The following SLC30A9 variants were observed in gnomAD, a reference collection of about 807,000 sequenced individuals.
SLC30A9 encodes proton-coupled zinc antiporter SLC30A9, mitochondrial.
Under a neutral mutation model 87.5 loss-of-function variants are expected in SLC30A9, and 58 were observed. The ratio of observed to expected loss-of-function variants is 0.66; its 90% CI spans 0.54 to 0.82. The LOEUF (loss-of-function observed/expected upper bound fraction) is 0.82, where lower values mean the gene tolerates loss of function less well. Ranked by LOEUF, SLC30A9 falls within the 40% of genes least tolerant of loss-of-function variation. The pLI is 0.00. For synonymous variants in SLC30A9, 234 were observed against 233.0 expected (o/e 1.00, Z -0.04); for missense variants, 557 against 679.1 (o/e 0.82, Z 2.00).
At chr4:42,014,306 T>A (rs1480060482) in intron 2 of SLC30A9, among the ~76,000 whole-genome samples, 1 of 152,168 alleles carries the variant, frequency 6.6e-6, no homozygotes, top group Non-Finnish European at 1.5e-5. Flanking sequence ...GTGCAGCTAC[T>A]ATGAAGAACA....
intron 17 of SLC30A9, among the ~76,000 whole-genome samples, chr4:42,079,358 A>G (rs1410975557): frequency 6.6e-6 from 1 of 150,960 alleles, no homozygotes; most frequent in Non-Finnish European, 1.5e-5. Context: ...CAGTGGCACG[A>G]TCTGGGCTCA....
chr4:42,033,864 C>T lies in SLC30A9; in HGVS notation c.611-1411C>T, dbSNP rs140529507. On this transcript the variant is annotated intron_variant, in intron 6 of 17. Transcript: ENST00000264451. Reference sequence around the variant, plus strand: ...TGCTGGGATTACAGGCATGAGCCACCGTGCCCGGCTGCTCTTGCTTTTTTT... The same window carrying T: ...TGCTGGGATTACAGGCATGAGCCACTGTGCCCGGCTGCTCTTGCTTTTTTT... Among the ~76,000 whole-genome samples, 1,037 of 152,278 alleles carry T rather than the reference C, an allele frequency of 6.8e-3. 6 individuals are homozygous for T. Among genetic ancestry groups the T allele is most frequent in the African/African-American group, 0.019 (772 of 41,550 alleles).
chr4:42,047,520 C>A (rs1041042240), intron 8 of SLC30A9, among the ~76,000 whole-genome samples: 1 of 152,170 alleles, frequency 6.6e-6, no homozygotes, highest in African/African-American at 2.4e-5. Context: ...AAATCGAAAC[C>A]ACAATGAGAT....
intron 6 of SLC30A9, chr4:42,030,218 C>CCACCGAGAT: frequency 6.9e-6 from 2 of 291,100 alleles, no homozygotes; most frequent in Non-Finnish European, 1.2e-5. Context: ...ATGTATGGGA[C>CCACCGAGAT]CTACACTTAA....
intron 17 of SLC30A9, chr4:42,078,800 G>A (rs956283364): frequency 1.3e-5 from 2 of 152,154 alleles, no homozygotes; most frequent in African/African-American, 4.8e-5. Context: ...AATATTACCT[G>A]ATCCTGATCA....
intron 11 of SLC30A9, 102 bp downstream of exon 11, chr4:42,063,223 A>G: frequency 1.0e-6 from 1 of 991,664 alleles, no homozygotes; most frequent in Non-Finnish European, 1.5e-6. Flanking sequence ...AATGACATAC[A>G]CCTTCTTGAC....
chr4:41,992,308 T>C (rs1273939153), intron 1 of SLC30A9, among the ~76,000 whole-genome samples: 2 of 149,898 alleles, frequency 1.3e-5, no homozygotes, highest in Non-Finnish European at 3.0e-5. Context: ...GCCAGTGCAC[T>C]CCAGCCTGGG....
rs1458936189 is a variant in SLC30A9, at chr4:42,066,538, C to T, written c.1073-12C>T. 2.5e-6 allele frequency: 4 copies of T among 1,582,612 alleles called. No individual in the cohort carries two copies. Among genetic ancestry groups the T allele is most frequent in the Non-Finnish European group, 3.5e-6 (4 of 1,159,258 alleles). On this transcript the variant is annotated splice_polypyrimidine_tract_variant and intron_variant, in intron 12 of 17. Transcript: ENST00000264451. ...AGTTTCTGTCTTGCTGATATGAATG[C>T]TTTTCTTTTAGCAACACTTCTTGTT... is the stretch of plus-strand genomic sequence containing the variant.
intron 14 of SLC30A9, among the ~76,000 whole-genome samples, chr4:42,068,368 C>T (rs1160467351): frequency 2.0e-5 from 3 of 152,118 alleles, no homozygotes; most frequent in African/African-American, 7.2e-5. Flanking sequence ...CTCAGCCTCC[C>T]GAGTAGCTGG....
chr4:42,067,323 A>G, intron 14 of SLC30A9, 131 bp downstream of exon 14: 1 of 605,166 alleles, frequency 1.7e-6, no homozygotes. Flanking sequence ...CCTACTAATC[A>G]TTGACTTATG....
At chr4:42,039,195 T>C (rs1716813862) in intron 8 of SLC30A9, 142 bp downstream of exon 8, 1 of 639,056 alleles carries the variant, frequency 1.6e-6, no homozygotes, top group African/African-American at 1.8e-5. Flanking sequence ...AATAAGTCTT[T>C]ATTATTGTCA....
At chr4:42,068,133 A>T (rs918330390) in intron 14 of SLC30A9, among the ~76,000 whole-genome samples, 5 of 152,222 alleles carry the variant, frequency 3.3e-5, no homozygotes, top group Non-Finnish European at 5.9e-5. Flanking sequence ...ATTAATTTTT[A>T]AAAATGTATA....
In SLC30A9 at chr4:42,063,127, CCT is replaced by C; in HGVS notation, c.1032+9_1032+10del. 5 of 1,611,762 alleles carry C rather than the reference CCT, an allele frequency of 3.1e-6. No individual in the cohort carries two copies. The highest frequency in any genetic ancestry group is 4.2e-6 in the Non-Finnish European group (5 of 1,179,094). On this transcript the variant is annotated splice_region_variant and intron_variant, in intron 11 of 17. Transcript: ENST00000264451. ...CAATAGAATCCCTTCTATGGGTAAT[CCT>C]CTTTTTTTCTCCTCAGTTTTGATGT...
At chr4:42,070,505 T>G in intron 14 of SLC30A9, 21 bp from the exon 15 acceptor site, 1 of 1,595,696 alleles carries the variant, frequency 6.3e-7, no homozygotes, top group Non-Finnish European at 8.6e-7. Context: ...ATTTACTGAT[T>G]TTTTTATGTG....
chr4:42,009,029 A>G (rs1333817097), intron 2 of SLC30A9, among the ~76,000 whole-genome samples: 3 of 152,210 alleles, frequency 2.0e-5, no homozygotes, highest in Non-Finnish European at 4.4e-5. Context: ...AGAAATAGTG[A>G]TGAAATAATA....
intron 17 of SLC30A9, chr4:42,078,926 C>G (rs941169553): frequency 2.6e-5 from 4 of 152,040 alleles, no homozygotes; most frequent in African/African-American, 9.7e-5. Context: ...TTGTTGAAGG[C>G]AGTGCTTTTT....
Position 42,063,015 on chromosome 4 carries a change from C to T in SLC30A9, c.926C>T (p.Ser309Phe). Residue 309 changes from serine (S) to phenylalanine (F), a missense_variant, in exon 11 of 18, where the codon TCT becomes TTT. Ser to Phe is a radical substitution (Grantham distance 155). Around this residue, in one of 2 missense-constraint regions of SLC30A9, gnomAD observed 467 missense variants for 529.8 expected, o/e 0.88. Coordinates refer to ENST00000264451, the MANE Select transcript of SLC30A9 (RefSeq NM_006345.4). Reference sequence around the variant, plus strand: ...GGATTTTCAAATATGCGCTATATTTCTTCGCTAATTAGTGGTGTTGGTATT... The same window carrying T: ...GGATTTTCAAATATGCGCTATATTTTTTCGCTAATTAGTGGTGTTGGTATT... The part of the protein sequence containing the change: ...PYGFSNMRYI[S>F]SLISGVGIFM... 6.2e-7 allele frequency: 1 copy of T among 1,612,204 alleles called. No individual in the cohort carries two copies. Among genetic ancestry groups the T allele is most frequent in the Non-Finnish European group, 8.5e-7 (1 of 1,178,798 alleles).
In SLC30A9 at chr4:42,086,181, A is replaced by G; in HGVS notation, c.*55A>G. 1 of 1,173,544 alleles carries G rather than the reference A, an allele frequency of 8.5e-7. No homozygotes were observed. The highest frequency in any genetic ancestry group is 1.2e-6 in the Non-Finnish European group (1 of 816,766). 72.7% of individuals were successfully genotyped at this position (1,173,544 alleles called of 1,614,324 possible). A position where few individuals can be genotyped will look rare whatever the true frequency, so the allele number is the denominator to read the frequency against. On this transcript the variant is annotated 3_prime_UTR_variant, in exon 18 of 18. Coordinates refer to ENST00000264451, the MANE Select transcript of SLC30A9 (RefSeq NM_006345.4). The stretch of plus-strand genomic sequence containing the variant: ...ACCTTGGAAACAAGTTTGTCCGTCC[A>G]CTCTACAAAGTTTCCTCCTCTCCTA...
intron 3 of SLC30A9, chr4:42,018,405 T>C: frequency 7.6e-7 from 1 of 1,310,394 alleles, no homozygotes; most frequent in Non-Finnish European, 9.9e-7. Flanking sequence ...AAAGGAATAA[T>C]GGCAAATAAG....
Sources: allele counts gnomAD v4.1 joint callset (sites outside exome capture counted in the v4.1 genomes callset), GRCh38; gene constraint gnomAD v4.1.1; regional missense constraint gnomAD v4.1.1; transcripts MANE v1.5; gene names NCBI Gene and HGNC (gene_info 2026-07-23, HGNC 2026-07-21).